The following FAT1 variants were observed in gnomAD, a reference collection of about 807,000 sequenced individuals.
The protein encoded by FAT1 is FAT atypical cadherin 1.
Under a neutral mutation model 329.8 loss-of-function variants are expected in FAT1, and 171 were observed. That is an observed-to-expected ratio of 0.52 (90% CI 0.46 to 0.59). The LOEUF (loss-of-function observed/expected upper bound fraction) is 0.59. Among genes scored for constraint, FAT1 ranks in the 20% least tolerant of loss-of-function variants. The pLI is 0.00. For synonymous variants in FAT1, 2,233 were observed against 2,228.6 expected, an observed-to-expected ratio of 1.00 and a Z score of -0.06; for missense variants, 5,672 against 5,774.4, an observed-to-expected ratio of 0.98 and a Z score of 0.57.
At chr4:186,653,151 A>C (rs377308743) in intron 3 of FAT1, among the ~76,000 whole-genome samples, 1 of 152,212 alleles carries the variant, frequency 6.6e-6, no homozygotes, top group African/African-American at 2.4e-5. Context: ...GATGATAAAG[A>C]CCTGCTAAGT....
At chr4:186,606,260 C>T in intron 16 of FAT1, 47 bp from the exon 17 acceptor site, 1 of 1,603,528 alleles carries the variant, frequency 6.2e-7, no homozygotes, top group Non-Finnish European at 8.5e-7. Context: ...ACAAGGCCGA[C>T]AGAGCTCCAA....
chr4:186,651,140 TATTTATTAATAATAA>T lies in FAT1; in HGVS notation c.3581-11372_3581-11358del, dbSNP rs537923333. On this transcript the variant is annotated intron_variant, in intron 3 of 26. Coordinates refer to ENST00000441802, the MANE Select transcript of FAT1 (RefSeq NM_005245.4). ...ATAATTAACAAATAATTACTAAATTTATTTATTAATAATAAATTTATTAATAATAAATTAATAAAG... is the reference window on the plus strand; with the variant it reads ...ATAATTAACAAATAATTACTAAATTTATTTATTAATAATAAATTAATAAAG... Among the ~76,000 whole-genome samples the T allele has an allele frequency of 1.8e-3, 210 of 117,362 alleles. 1 individual carries two copies. The highest frequency in any genetic ancestry group is 6.5e-3 in the African/African-American group (195 of 29,788). 77.0% of individuals were successfully genotyped at this position (117,362 alleles called of 152,430 possible).
Position 186,600,018 on chromosome 4 carries a change from T to G in FAT1, c.11983A>C (p.Ser3995Arg), listed in dbSNP as rs756893754. Reference protein sequence around the residue: ...QELPLNSKPRSYAHIEESVDV... With the variant: ...QELPLNSKPRRYAHIEESVDV... ...ACCGACTCTTCGATGTGTGCATAGC[T>G]TCTGGGTTTGCTGTTTAAAGGGAGC... is the stretch of plus-strand genomic sequence containing the variant. The change falls in exon 22 of 27, where the codon AGC (serine) becomes CGC (arginine). Residue 3995 changes from serine (S) to arginine (R), a missense_variant. Ser to Arg is a moderately radical substitution (Grantham distance 110). Transcript: ENST00000441802. The G allele has an allele frequency of 1.2e-6, 2 of 1,613,970 alleles. No individual in the cohort carries two copies. The highest frequency in any genetic ancestry group is 2.2e-5 in the South Asian group (2 of 91,090).
intron 2 of FAT1, among the ~76,000 whole-genome samples, chr4:186,665,237 A>T (rs1171510883): frequency 1.3e-5 from 2 of 152,212 alleles, no homozygotes; most frequent in Non-Finnish European, 2.9e-5. Flanking sequence ...ACCAAATGGT[A>T]TTTCTAGTTC....
At chr4:186,628,789 T>G in intron 7 of FAT1, 26 bp from the exon 8 acceptor site, 1 of 1,596,726 alleles carries the variant, frequency 6.3e-7, no homozygotes, top group Non-Finnish European at 8.5e-7. Context: ...AAATGACTCA[T>G]ACAATATTTC....
intron 26 of FAT1, among the ~76,000 whole-genome samples, chr4:186,591,047 C>A (rs1738217926): frequency 3.3e-5 from 5 of 152,222 alleles, no homozygotes; most frequent in Admixed American, 6.5e-5. Context: ...TACACAGAAG[C>A]CCAGCAGGAA....
chr4:186,707,643 T>C lies in FAT1; in HGVS notation c.2185A>G (p.Asn729Asp), dbSNP rs2126690220. ...ATTACACTGGAACCCACAGGCTGGT[T>C]TTCCTTTACCTGAATACCAGTCGGA... is the stretch of plus-strand genomic sequence containing the variant. ...TLPTGIQVKE[N>D]QPVGSSVIFM... Residue 729 changes from asparagine to aspartate, a missense_variant, in exon 2 of 27, where the codon AAC becomes GAC. Asn to Asp is a conservative substitution (Grantham distance 23). Coordinates refer to ENST00000441802, the MANE Select transcript of FAT1 (RefSeq NM_005245.4). The C allele has an allele frequency of 1.9e-6, 3 of 1,614,028 alleles. No homozygotes were observed. The highest frequency in any genetic ancestry group is 2.5e-6 in the Non-Finnish European group (3 of 1,179,902).
chr4:186,641,484 C>T (rs950457121), intron 3 of FAT1, among the ~76,000 whole-genome samples: 1 of 152,158 alleles, frequency 6.6e-6, no homozygotes, highest in South Asian at 2.1e-4. Flanking sequence ...ATTAGTCCCA[C>T]ATCTAATTAT....
In FAT1 at chr4:186,621,122, T is replaced by C. The variant is rs1184658137; in HGVS notation, c.5464A>G (p.Ile1822Val). ...TGAATAGCACCAGTGCTAGAATCAA[T>C]AGCAAAATATGTGTGTACAGATGGT... ...VEPSVHTYFA[I>V]DSSTGAIHTV... The change falls in exon 10 of 27, where the codon ATT becomes GTT. Residue 1822 changes from isoleucine (I) to valine (V), a missense_variant. Physicochemically the swap from Ile to Val is conservative, Grantham distance 29 (BLOSUM62 3). Around this residue, in one of 2 missense-constraint regions of FAT1, gnomAD observed 3,966 missense variants for 3,915.2 expected, o/e 1.01. Transcript: ENST00000441802. The C allele has an allele frequency of 3.1e-6, 5 of 1,613,856 alleles. No individual in the cohort carries two copies. Among genetic ancestry groups the C allele is most frequent in the Non-Finnish European group, 3.4e-6 (4 of 1,179,892 alleles).
At chr4:186,726,288 A>C (rs1561025687), upstream of FAT1, 1 of 152,248 alleles carries the variant, frequency 6.6e-6, no homozygotes, top group East Asian at 1.9e-4. Context: ...CACACACCCC[A>C]CGTAATTTCA....
In FAT1 at chr4:186,588,668, T is replaced by A. The variant is rs770217697; in HGVS notation, c.13691A>T (p.Tyr4564Phe). Residue 4564 changes from tyrosine (Y) to phenylalanine (F), a missense_variant, in exon 27 of 27, where the codon TAT (tyrosine) becomes TTT (phenylalanine). Physicochemically the swap from Tyr to Phe is conservative, Grantham distance 22 (BLOSUM62 3). This residue lies in a region of FAT1 where 1,706 missense variants were observed against 1,859.1 expected (regional missense o/e 0.92). Transcript: ENST00000441802. Reference protein sequence around the residue: ...EVESEVMMSDYESGDDGHFEE... With the variant: ...EVESEVMMSDFESGDDGHFEE... ...GAAGTGGCCGTCGTCCCCGCTCTCATAGTCACTCATCATGACCTCGGACTC... is the reference window on the plus strand; with the variant it reads ...GAAGTGGCCGTCGTCCCCGCTCTCAAAGTCACTCATCATGACCTCGGACTC... The A allele has an allele frequency of 1.9e-6, 3 of 1,613,980 alleles. No individual in the cohort carries two copies. The highest frequency in any genetic ancestry group is 2.5e-6 in the Non-Finnish European group (3 of 1,179,894).
chr4:186,644,411 C>T (rs1741260681), intron 3 of FAT1, among the ~76,000 whole-genome samples: 1 of 152,162 alleles, frequency 6.6e-6, no homozygotes, highest in South Asian at 2.1e-4. Flanking sequence ...GGAAGAAAAA[C>T]TAGAAATTTT....
Position 186,707,855 on chromosome 4 carries a change from T to C in FAT1, c.1973A>G (p.Tyr658Cys). ...TDGENFATPL[Y>C]INITVAASHK... Reference sequence around the variant, plus strand: ...ACTGGCAGCCACTGTTATGTTGATATATAATGGTGTGGCAAAATTTTCTCC... The same window carrying C: ...ACTGGCAGCCACTGTTATGTTGATACATAATGGTGTGGCAAAATTTTCTCC... The change falls in exon 2 of 27, where the codon TAT (tyrosine) becomes TGT (cysteine). Residue 658 changes from tyrosine (Y) to cysteine (C), a missense_variant. By Grantham distance (194) the Tyr-to-Cys change is radical. Around this residue, in one of 2 missense-constraint regions of FAT1, gnomAD observed 3,966 missense variants for 3,915.2 expected, o/e 1.01. Coordinates refer to ENST00000441802, the MANE Select transcript of FAT1 (RefSeq NM_005245.4). 1.2e-6 allele frequency: 2 copies of C among 1,613,888 alleles called. No individual in the cohort carries two copies. The highest frequency in any genetic ancestry group is 1.7e-6 in the Non-Finnish European group (2 of 1,179,904).
At chr4:186,714,988 G>A (rs932509766) in intron 1 of FAT1, among the ~76,000 whole-genome samples, 1 of 152,142 alleles carries the variant, frequency 6.6e-6, no homozygotes, top group African/African-American at 2.4e-5. Context: ...AGAGGCAGGA[G>A]AATCGCGTGA....
Position 186,596,789 on chromosome 4 carries a change from C to T in FAT1, c.12751G>A (p.Val4251Ile), listed in dbSNP as rs1738541025. The change falls in exon 25 of 27, where the codon GTC becomes ATC. Residue 4251 changes from valine (V) to isoleucine (I), a missense_variant. Val to Ile is a conservative substitution (Grantham distance 29, BLOSUM62 3). Around this residue, in one of 2 missense-constraint regions of FAT1, gnomAD observed 1,706 missense variants for 1,859.1 expected, o/e 0.92. Transcript: ENST00000441802. This position sits in a 1 kb window ranked among gnomAD's most constrained non-coding sequence, Gnocchi z 4.7. ...CTCGGGGTGTAGGAAATAGGCCGGA[C>T]AGGCACCTGGGGTGGTATGTCTGAG... The part of the protein sequence containing the change: ...IYSDIPPQVP[V>I]RPISYTPSIP... 2.5e-6 allele frequency: 4 copies of T among 1,613,882 alleles called. No individual in the cohort carries two copies. Among genetic ancestry groups the T allele is most frequent in the African/African-American group, 1.3e-5 (1 of 74,922 alleles).
At chr4:186,678,660 A>AAT (rs1175361000) in intron 2 of FAT1, among the ~76,000 whole-genome samples, 2 of 150,374 alleles carry the variant, frequency 1.3e-5, no homozygotes, top group Admixed American at 6.6e-5. Flanking sequence ...TACATACATA[A>AAT]ATATATATAC....
In FAT1 at chr4:186,709,730, T is replaced by C. The variant is rs1744860131; in HGVS notation, c.98A>G (p.Gln33Arg). 2 of 1,613,798 alleles carry C rather than the reference T, an allele frequency of 1.2e-6. No homozygotes were observed. The highest frequency in any genetic ancestry group is 2.2e-5 in the South Asian group (2 of 91,060). The stretch of plus-strand genomic sequence containing the variant: ...GACGTTGTACTCGAGGTGTGTAAAC[T>C]GCAGAGGAGTCTGTTCAAGTCGTTG... ...GSQRLEQTPL[Q>R]FTHLEYNVTV... Residue 33 changes from glutamine (Q) to arginine (R), a missense_variant, in exon 2 of 27, where the codon CAG becomes CGG. By Grantham distance (43) the Gln-to-Arg change is conservative (BLOSUM62 1). Around this residue, in one of 2 missense-constraint regions of FAT1, gnomAD observed 3,966 missense variants for 3,915.2 expected, o/e 1.01. Transcript: ENST00000441802.
chr4:186,665,640 T>C (rs971733877), intron 2 of FAT1, among the ~76,000 whole-genome samples: 14 of 152,166 alleles, frequency 9.2e-5, no homozygotes, highest in African/African-American at 3.4e-4. Context: ...ATTCTGTAGG[T>C]TGCCTCTTCA....
At position 186,661,462 on chromosome 4, in the gene FAT1, A is replaced by G. The variant is rs186605978; in HGVS notation, c.3580+1837T>C. On this transcript the variant is annotated intron_variant, in intron 3 of 26. Coordinates refer to ENST00000441802, the MANE Select transcript of FAT1 (RefSeq NM_005245.4). The stretch of plus-strand genomic sequence containing the variant: ...ATGCCTAGGCAATGAAGTCTCCATA[A>G]AAGGCCCAAGAAAGCAGAGTTCAGA... Among the ~76,000 whole-genome samples the G allele has an allele frequency of 5.1e-3, 772 of 152,284 alleles. 21 individuals are homozygous for G. Among genetic ancestry groups the G allele is most frequent in the Admixed American group, 0.041 (634 of 15,300 alleles).
Sources: allele counts gnomAD v4.1 joint callset (sites outside exome capture counted in the v4.1 genomes callset), GRCh38; gene constraint gnomAD v4.1.1; regional missense constraint gnomAD v4.1.1; non-coding constraint Gnocchi (gnomAD v3.1); transcripts MANE v1.5; gene names NCBI Gene and HGNC (gene_info 2026-07-23, HGNC 2026-07-21).